Variants in KRIT1 observed in about 807,000 individuals in gnomAD.
The protein encoded by KRIT1 is KRIT1 ankyrin repeat containing.
In KRIT1, 45 loss-of-function variants were observed where a neutral mutation model predicts 95.8. The ratio of observed to expected loss-of-function variants is 0.47; its 90% CI spans 0.37 to 0.60. KRIT1 has a LOEUF of 0.60. Ranked by LOEUF, KRIT1 falls within the 20% of genes least tolerant of loss-of-function variation. The pLI, the probability that KRIT1 is intolerant of heterozygous loss-of-function variation, is 0.00. For missense variants in KRIT1, 788 were observed against 877.5 expected (o/e 0.90, Z 1.29); for synonymous variants, 282 against 278.8 (o/e 1.01, Z -0.11).
At chr7:92,242,825 GT>G (rs1799984825) in intron 3 of KRIT1, among the ~76,000 whole-genome samples, 1 of 151,962 alleles carries the variant, frequency 6.6e-6, no homozygotes, top group Non-Finnish European at 1.5e-5. Context: ...TTTTTGTTTT[GT>G]TTTGTTTTAG....
chr7:92,200,410 C>T lies in KRIT1; in HGVS notation c.*326G>A, dbSNP rs964250844. On this transcript the variant is annotated 3_prime_UTR_variant, in exon 19 of 19. Transcript: ENST00000394505. ...TGCTGTGTCACCCAGGCTAGCGTGC[C>T]GTGGTGCAATCTTGGCTCACTACAA... 3.6e-5 allele frequency: 11 copies of T among 307,646 alleles called. No individual in the cohort carries two copies. Among genetic ancestry groups the T allele is most frequent in the Non-Finnish European group, 5.6e-5 (9 of 160,296 alleles). The allele number at this position is 307,646 out of a possible 1,614,324, so 19.1% of individuals were successfully genotyped here.
rs753631870 is a variant in KRIT1 at position 92,241,088 on chromosome 7, G to A, written c.167C>T (p.Thr56Met). ...TATTTCACTGTTGCCTTGAAGTTTC[G>A]TTTCCAATAAAACTTTCTTTCTCTT... ...KKKRKKVLLE[T>M]KLQGNSEITQ... Residue 56 changes from threonine (T) to methionine (M), a missense_variant, in exon 5 of 19, where the codon ACG (threonine) becomes ATG (methionine). Physicochemically the swap from Thr to Met is moderately conservative, Grantham distance 81. Transcript: ENST00000394505. 1.2e-5 allele frequency: 20 copies of A among 1,610,556 alleles called. No homozygotes were observed. Among genetic ancestry groups the A allele is most frequent in the Middle Eastern group, 1.6e-4 (1 of 6,078 alleles).
chr7:92,201,685 A>C (rs938154542), intron 17 of KRIT1: 44 of 371,648 alleles, frequency 1.2e-4, no homozygotes, highest in Admixed American at 2.8e-4. Context: ...TCCCTCCCCT[A>C]GCCCCCTACC....
chr7:92,223,619 G>A lies in KRIT1; in HGVS notation c.1255-641C>T, dbSNP rs183236466. Among the ~76,000 whole-genome samples, 12 of 152,090 alleles carry A rather than the reference G, an allele frequency of 7.9e-5. No individual in the cohort carries two copies. The East Asian group carries it at 2.1e-3, about 27-fold the overall frequency. ...TTTAATGTAATGTAAATATCATAACGAGAGATACAAACTTGGTTACTGAAT... is the reference window on the plus strand; with the variant it reads ...TTTAATGTAATGTAAATATCATAACAAGAGATACAAACTTGGTTACTGAAT... On this transcript the variant is annotated intron_variant, in intron 12 of 18. Coordinates refer to ENST00000394505, the MANE Select transcript of KRIT1 (RefSeq NM_194454.3).
In KRIT1 at chr7:92,216,245, G is replaced by C. The variant is rs922185421; in HGVS notation, c.1564-1468C>G. Among the ~76,000 whole-genome samples, 206 of 143,614 alleles carry C rather than the reference G, an allele frequency of 1.4e-3. 1 individual carries two copies. Among genetic ancestry groups the C allele is most frequent in the African/African-American group, 4.9e-3 (192 of 39,410 alleles). 94.2% of individuals were successfully genotyped at this position (143,614 alleles called of 152,430 possible). ...CTCCATCTCAAAAAAAAAAAAAAAA[G>C]ATTTTTGCAACATTAACTGAAATAA... is the stretch of plus-strand genomic sequence containing the variant. On this transcript the variant is annotated intron_variant, in intron 14 of 18. Coordinates refer to ENST00000394505, the MANE Select transcript of KRIT1 (RefSeq NM_194454.3).
chr7:92,232,802 T>C (rs1797598790), intron 10 of KRIT1, among the ~76,000 whole-genome samples: 1 of 152,116 alleles, frequency 6.6e-6, no homozygotes. Flanking sequence ...CACACCATTC[T>C]CCTGCCTCAG....
intron 10 of KRIT1, among the ~76,000 whole-genome samples, chr7:92,230,072 G>T (rs1237863933): frequency 6.6e-6 from 1 of 152,144 alleles, no homozygotes; most frequent in Non-Finnish European, 1.5e-5. Context: ...AATTCGAGAA[G>T]TAATAATAAA....
At position 92,214,001 on chromosome 7, in the gene KRIT1, T is replaced by C. The variant is rs77739260; in HGVS notation, c.1731-22A>G. 281 of 1,397,412 alleles carry C rather than the reference T, an allele frequency of 2.0e-4. 1 individual carries two copies. In the African/African-American group the frequency reaches 3.6e-3, roughly 18 times the overall value. The allele number at this position is 1,397,412 out of a possible 1,614,324, so 86.6% of individuals were successfully genotyped here. On this transcript the variant is annotated intron_variant, in intron 15 of 18. Transcript: ENST00000394505. Reference sequence around the variant, plus strand: ...TTCACTGTAAGCACACATGCCAACATCCTTTAAATAAATCATCTTTAGTAG... The same window carrying C: ...TTCACTGTAAGCACACATGCCAACACCCTTTAAATAAATCATCTTTAGTAG...
In KRIT1 at chr7:92,241,020, T is replaced by A. The variant is rs116801031; in HGVS notation, c.235A>T (p.Ile79Phe). 6.2e-7 allele frequency: 1 copy of A among 1,612,850 alleles called. No individual in the cohort carries two copies. Among genetic ancestry groups the A allele is most frequent in the East Asian group, 2.2e-5 (1 of 44,848 alleles). The stretch of plus-strand genomic sequence containing the variant: ...CTGATACCCTGGTTTGCAGGAGAAA[T>A]TGGTTTGGTGGTTTCTACTACGTAA... ...LDYVVETTKP[I>F]SPANQGIRGK... Residue 79 changes from isoleucine (I) to phenylalanine (F), a missense_variant, in exon 5 of 19, where the codon ATT (isoleucine) becomes TTT (phenylalanine). Physicochemically the swap from Ile to Phe is conservative, Grantham distance 21 (BLOSUM62 0). Transcript: ENST00000394505.
In KRIT1 at chr7:92,232,541, A is replaced by G. The variant is rs180980730; in HGVS notation, c.989+1908T>C. On this transcript the variant is annotated intron_variant, in intron 10 of 18. Transcript: ENST00000394505. ...AAAAAAAAAAAAACACCCCTGCCACAAAAAGGAGCAACTATACAGTCAAAT... is the reference window on the plus strand; with the variant it reads ...AAAAAAAAAAAAACACCCCTGCCACGAAAAGGAGCAACTATACAGTCAAAT... Among the ~76,000 whole-genome samples, 494 of 150,802 alleles carry G rather than the reference A, an allele frequency of 3.3e-3. 2 individuals are homozygous for G. The highest frequency in any genetic ancestry group is 6.0e-3 in the Admixed American group (91 of 15,170).
chr7:92,244,747 G>A (rs902993547), intron 2 of KRIT1, among the ~76,000 whole-genome samples, 155 bp downstream of exon 2: 4 of 152,196 alleles, frequency 2.6e-5, no homozygotes, highest in Admixed American at 2.0e-4. Context: ...TGAGATGAGG[G>A]TTCAAGTGAA....
Position 92,236,462 on chromosome 7 carries a change from T to C in KRIT1, c.436A>G (p.Ser146Gly). ...QDIMRVCSES[S>G]THFATLTARM... ...GCTGTAAGTGTAGCAAAATGAGTACTGGATTCACTACAGACTCGCATAATA... is the reference window on the plus strand; with the variant it reads ...GCTGTAAGTGTAGCAAAATGAGTACCGGATTCACTACAGACTCGCATAATA... The change falls in exon 7 of 19, where the codon AGT becomes GGT. Residue 146 changes from serine to glycine, a missense_variant. By Grantham distance (56) the Ser-to-Gly change is moderately conservative. This residue lies in a region of KRIT1 where 289 missense variants were observed against 277.5 expected (regional missense o/e 1.04). Coordinates refer to ENST00000394505, the MANE Select transcript of KRIT1 (RefSeq NM_194454.3). 1 of 1,601,218 alleles carries C rather than the reference T, an allele frequency of 6.2e-7. No individual in the cohort carries two copies. Among genetic ancestry groups the C allele is most frequent in the Non-Finnish European group, 8.6e-7 (1 of 1,168,500 alleles).
At chr7:92,231,930 ATTTT>A (rs1797385550) in intron 10 of KRIT1, among the ~76,000 whole-genome samples, 1 of 152,020 alleles carries the variant, frequency 6.6e-6, no homozygotes, top group South Asian at 2.1e-4. Flanking sequence ...TACAATATTT[ATTTT>A]TTTATTTTAT....
intron 14 of KRIT1, among the ~76,000 whole-genome samples, chr7:92,218,227 AACAAAG>A (rs1418134499): frequency 6.6e-6 from 1 of 151,710 alleles, no homozygotes; most frequent in East Asian, 1.9e-4. Context: ...ATTAAAAAAA[AACAAAG>A]ACAAAGACAA....
rs187325591 is a variant in KRIT1, at chr7:92,222,684, G to A, written c.1411+138C>T. ...ACCTGTTTCAGCAGTTTGAACACTA[G>A]TAATTTATATAAAAGAGAAGAACAT... is the stretch of plus-strand genomic sequence containing the variant. On this transcript the variant is annotated intron_variant, in intron 13 of 18. Transcript: ENST00000394505. 7.3e-4 allele frequency: 474 copies of A among 651,060 alleles called. 5 individuals are homozygous for A. In the African/African-American group the frequency reaches 7.7e-3, roughly 11 times the overall value. The allele number at this position is 651,060 out of a possible 1,614,324, so 40.3% of individuals were successfully genotyped here. A position where few individuals can be genotyped will look rare whatever the true frequency, so the allele number is the denominator to read the frequency against.
intron 10 of KRIT1, among the ~76,000 whole-genome samples, chr7:92,232,436 C>A (rs1306981966): frequency 6.6e-6 from 1 of 151,544 alleles, no homozygotes; most frequent in African/African-American, 2.4e-5. Flanking sequence ...TAGGTACATT[C>A]CAAAGCATAT....
At chr7:92,228,508 A>T (rs535518453) in intron 10 of KRIT1, among the ~76,000 whole-genome samples, 2 of 152,296 alleles carry the variant, frequency 1.3e-5, no homozygotes, top group East Asian at 3.9e-4. Flanking sequence ...CTATACTCCA[A>T]ATCAGACACT....
rs774896671 is a variant in KRIT1 at position 92,199,921 on chromosome 7, T to C, written c.*815A>G. ...CTATACTTTGAGAAACACTACTGTA[T>C]ATCAGATTTACATTTTAACTAAGAC... On this transcript the variant is annotated 3_prime_UTR_variant, in exon 19 of 19. Transcript: ENST00000394505. The C allele has an allele frequency of 5.3e-5, 8 of 152,244 alleles. No individual in the cohort carries two copies. Among genetic ancestry groups the C allele is most frequent in the Non-Finnish European group, 1.2e-4 (8 of 68,034 alleles). The allele number at this position is 152,244 out of a possible 1,614,324, so 9.4% of individuals were successfully genotyped here. A position where few individuals can be genotyped will look rare whatever the true frequency, so the allele number is the denominator to read the frequency against.
chr7:92,232,348 A>G (rs1797471287), intron 10 of KRIT1, among the ~76,000 whole-genome samples: 1 of 152,184 alleles, frequency 6.6e-6, no homozygotes, highest in Non-Finnish European at 1.5e-5. Context: ...TCTCGTATAG[A>G]TAAAGAAACA....
Sources: allele counts gnomAD v4.1 joint callset (sites outside exome capture counted in the v4.1 genomes callset), GRCh38; gene constraint gnomAD v4.1.1; regional missense constraint gnomAD v4.1.1; transcripts MANE v1.5; gene names NCBI Gene and HGNC (gene_info 2026-07-23, HGNC 2026-07-21).